Variants in SMARCD2 observed in about 807,000 individuals in gnomAD.
The protein encoded by SMARCD2 is SWI/SNF-related matrix-associated actin-dependent regulator of chromatin subfamily D member 2.
SMARCD2 carries 39 observed loss-of-function variants against 70.4 expected under a neutral mutation model. That is an observed-to-expected ratio of 0.55 (90% CI 0.43 to 0.72). The LOEUF (loss-of-function observed/expected upper bound fraction) is 0.72, where lower values mean the gene tolerates loss of function less well. Ranked by LOEUF, SMARCD2 falls within the 30% of genes least tolerant of loss-of-function variation. The pLI is 0.00. For synonymous variants in SMARCD2, 249 were observed against 279.4 expected (o/e 0.89, Z 1.08); for missense variants, 540 against 713.4 (o/e 0.76, Z 2.77).
Position 63,833,396 on chromosome 17 carries a change from T to A in SMARCD2, c.1342A>T (p.Asn448Tyr). ...VKIHETIESI[N>Y]QLKTQRDFML... The stretch of plus-strand genomic sequence containing the variant: ...AAATCTCTCTGGGTCTTCAGCTGGT[T>A]GATGGACTCAATGGTCTCATGGATC... The change falls in exon 11 of 13, where the codon AAC becomes TAC. Residue 448 changes from asparagine (N) to tyrosine (Y), a missense_variant. Physicochemically the swap from Asn to Tyr is moderately radical, Grantham distance 143 (BLOSUM62 -2). Coordinates refer to ENST00000448276, the MANE Select transcript of SMARCD2 (RefSeq NM_001098426.2). This position sits in a 1 kb window ranked among gnomAD's most constrained non-coding sequence, Gnocchi z 4.3. The A allele has an allele frequency of 6.2e-7, 1 of 1,614,024 alleles. No homozygotes were observed.
In SMARCD2 at chr17:63,833,331, C is replaced by T. The variant is rs1166990996; in HGVS notation, c.1407G>A (p.Gln469=). ...SFSTDPQDFI[Q]EWLRSQRRDL... ...CTCGGCGCTGGGAACGGAGCCATTCCTGGATGAAGTCCTGGGGGTCGGTGC... is the reference window on the plus strand; with the variant it reads ...CTCGGCGCTGGGAACGGAGCCATTCTTGGATGAAGTCCTGGGGGTCGGTGC... The change falls in exon 11 of 13, where the codon CAG becomes CAA. Residue 469 remains glutamine, a synonymous_variant. Transcript: ENST00000448276. The surrounding 1 kb of genome is among the most constrained non-coding windows in gnomAD (Gnocchi z 4.3). 4 of 1,613,980 alleles carry T rather than the reference C, an allele frequency of 2.5e-6. No homozygotes were observed. Among genetic ancestry groups the T allele is most frequent in the Non-Finnish European group, 3.4e-6 (4 of 1,179,878 alleles).
Position 63,833,068 on chromosome 17 carries a change from C to T in SMARCD2, c.1542+1G>A. On this transcript the variant is annotated splice_donor_variant, in intron 12 of 12. Coordinates refer to ENST00000448276, the MANE Select transcript of SMARCD2 (RefSeq NM_001098426.2). LOFTEE classifies it high-confidence loss of function. This position sits in a 1 kb window ranked among gnomAD's most constrained non-coding sequence, Gnocchi z 4.3. ...GGAGGGAAAACAGGGCAGAGCCTCACCTTGGCAAAGATGTGCCTGCCTACT... is the reference window on the plus strand; with the variant it reads ...GGAGGGAAAACAGGGCAGAGCCTCATCTTGGCAAAGATGTGCCTGCCTACT... 6.3e-7 allele frequency: 1 copy of T among 1,594,380 alleles called. No homozygotes were observed.
chr17:63,834,747 C>T lies in SMARCD2; in HGVS notation c.777G>A (p.Glu259=). 1 of 1,613,954 alleles carries T rather than the reference C, an allele frequency of 6.2e-7. No individual in the cohort carries two copies. The highest frequency in any genetic ancestry group is 8.5e-7 in the Non-Finnish European group (1 of 1,179,806). Reference sequence around the variant, plus strand: ...CAGGCCCGTACAGCTCCTTGTCCAGCTCAATGACGAGGCTCTTAAAGAATG... The same window carrying T: ...CAGGCCCGTACAGCTCCTTGTCCAGTTCAATGACGAGGCTCTTAAAGAATG... The part of the protein sequence containing the change: ...FSSFFKSLVI[E]LDKELYGPDN... Residue 259 remains glutamate, a synonymous_variant, in exon 6 of 13, where the codon GAG becomes GAA. Transcript: ENST00000448276. This position sits in a 1 kb window ranked among gnomAD's most constrained non-coding sequence, Gnocchi z 5.6.
chr17:63,832,278 G>T lies in SMARCD2; in HGVS notation c.*660C>A. On this transcript the variant is annotated 3_prime_UTR_variant, in exon 13 of 13. Transcript: ENST00000448276. ...TAGAGAACTGGAGTGTCCCCTCCCCGGCCCAAGCCGCTGGAGAGGCAGCCC... is the reference window on the plus strand; with the variant it reads ...TAGAGAACTGGAGTGTCCCCTCCCCTGCCCAAGCCGCTGGAGAGGCAGCCC... 2.6e-6 allele frequency: 1 copy of T among 390,196 alleles called. No individual in the cohort carries two copies. Among genetic ancestry groups the T allele is most frequent in the Non-Finnish European group, 4.7e-6 (1 of 212,922 alleles). The allele number at this position is 390,196 out of a possible 1,614,324, so 24.2% of individuals were successfully genotyped here.
At position 63,836,990 on chromosome 17, in the gene SMARCD2, G is replaced by A. The variant is rs2040274017; in HGVS notation, c.499C>T (p.Arg167Trp). 4 of 1,613,746 alleles carry A rather than the reference G, an allele frequency of 2.5e-6. No homozygotes were observed. The highest frequency in any genetic ancestry group is 2.5e-6 in the Non-Finnish European group (3 of 1,179,754). ...QAYMDLLAFE[R>W]KLDQTIARKR... ...CGAGCAATGGTCTGGTCCAGCTTCC[G>A]CTCAAAAGCCAAGAGATCCATGTAC... The change falls in exon 4 of 13, where the codon CGG becomes TGG. Residue 167 changes from arginine to tryptophan, a missense_variant. Physicochemically the swap from Arg to Trp is moderately radical, Grantham distance 101 (BLOSUM62 -3). Transcript: ENST00000448276.
chr17:63,837,524 GC>G lies in SMARCD2; in HGVS notation c.317del (p.Gly106AlafsTer6). The G allele has an allele frequency of 6.2e-7, 1 of 1,607,980 alleles. No homozygotes were observed. ...PFGAAAPLRP[G>X]MPPTMMDPFR... Reference sequence around the variant, plus strand: ...ATGGATCCATCATGGTGGGTGGCATGCCAGGTCGAAGCGGAGCTGCTGCACC... The same window carrying G: ...ATGGATCCATCATGGTGGGTGGCATGCAGGTCGAAGCGGAGCTGCTGCACC... On this transcript the variant is annotated frameshift_variant, in exon 2 of 13. Transcript: ENST00000448276. LOFTEE classifies it high-confidence loss of function. This position sits in a 1 kb window ranked among gnomAD's most constrained non-coding sequence, Gnocchi z 6.4.
At position 63,833,016 on chromosome 17, in the gene SMARCD2, C is replaced by G; in HGVS notation, c.1543-25G>C. On this transcript the variant is annotated intron_variant, in intron 12 of 12. Coordinates refer to ENST00000448276, the MANE Select transcript of SMARCD2 (RefSeq NM_001098426.2). This position sits in a 1 kb window ranked among gnomAD's most constrained non-coding sequence, Gnocchi z 4.3. Reference sequence around the variant, plus strand: ...CCTGGAGAAGGGAGAAACCAAGTGGCTCAGGCCTTTGCTACTCACGGCCAA... The same window carrying G: ...CCTGGAGAAGGGAGAAACCAAGTGGGTCAGGCCTTTGCTACTCACGGCCAA... 6.3e-7 allele frequency: 1 copy of G among 1,586,704 alleles called. No homozygotes were observed. Among genetic ancestry groups the G allele is most frequent in the South Asian group, 1.2e-5 (1 of 86,786 alleles).
rs1432004446 is a variant in SMARCD2 at position 63,833,375 on chromosome 17, C to T, written c.1363G>A (p.Asp455Asn). The T allele has an allele frequency of 1.9e-6, 3 of 1,613,916 alleles. No individual in the cohort carries two copies. Among genetic ancestry groups the T allele is most frequent in the South Asian group, 1.1e-5 (1 of 91,090 alleles). Residue 455 changes from aspartate (D) to asparagine (N), a missense_variant, in exon 11 of 13, where the codon GAT becomes AAT. Physicochemically the swap from Asp to Asn is conservative, Grantham distance 23 (BLOSUM62 1). Coordinates refer to ENST00000448276, the MANE Select transcript of SMARCD2 (RefSeq NM_001098426.2). The surrounding 1 kb of genome is among the most constrained non-coding windows in gnomAD (Gnocchi z 4.3). ...ESINQLKTQR[D>N]FMLSFSTDPQ... ...TCGGTGCTAAAACTGAGCATGAAAT[C>T]TCTCTGGGTCTTCAGCTGGTTGATG...
chr17:63,835,791 G>A (rs2040258054), intron 4 of SMARCD2: 3 of 384,212 alleles, frequency 7.8e-6, no homozygotes, highest in Middle Eastern at 7.1e-4. Context: ...GCAGTGGCGC[G>A]ATCTCAGCTC....
rs2040255386 is a variant in SMARCD2 at position 63,835,577 on chromosome 17, GAA to G, written c.568-12_568-11del. The G allele has an allele frequency of 1.2e-6, 2 of 1,613,436 alleles. No individual in the cohort carries two copies. Among genetic ancestry groups the G allele is most frequent in the Middle Eastern group, 1.7e-4 (1 of 6,056 alleles). ...GAAGCTTTCGCTTTTGCTAAAGAGA[GAA>G]AGGCAATCACAACTGGAGGTGGACC... is the stretch of plus-strand genomic sequence containing the variant. On this transcript the variant is annotated splice_polypyrimidine_tract_variant and intron_variant, in intron 4 of 12. Coordinates refer to ENST00000448276, the MANE Select transcript of SMARCD2 (RefSeq NM_001098426.2).
At chr17:63,839,290 G>C (rs1270128739) in intron 1 of SMARCD2, 4 of 965,738 alleles carry the variant, frequency 4.1e-6, no homozygotes, top group Middle Eastern at 5.3e-4. Flanking sequence ...GTGAGCGAGG[G>C]CCCTGTGGTC....
intron 1 of SMARCD2, chr17:63,838,912 A>G (rs1489214145): frequency 1.0e-6 from 1 of 985,244 alleles, no homozygotes; most frequent in Non-Finnish European, 1.2e-6. Context: ...TTCCCAACAC[A>G]GAGGGTCAGA....
chr17:63,839,130 C>T, intron 1 of SMARCD2: 1 of 985,320 alleles, frequency 1.0e-6, no homozygotes, highest in Middle Eastern at 5.2e-4. Flanking sequence ...TCTTTCTCTG[C>T]CTTAAAGATT....
Position 63,832,148 on chromosome 17 carries a change from C to T in SMARCD2, c.*790G>A. On this transcript the variant is annotated 3_prime_UTR_variant, in exon 13 of 13. Transcript: ENST00000448276. ...GATGTGGCACTCGCCAAGCCCTAGG[C>T]CCACCCTCCTCACCAAGCTCCAAAG... 1 of 657,226 alleles carries T rather than the reference C, an allele frequency of 1.5e-6. No homozygotes were observed. Among genetic ancestry groups the T allele is most frequent in the Non-Finnish European group, 2.6e-6 (1 of 380,754 alleles). The allele number at this position is 657,226 out of a possible 1,614,324, so 40.7% of individuals were successfully genotyped here.
At chr17:63,838,562 TG>T in intron 1 of SMARCD2, 1 of 1,382,500 alleles carries the variant, frequency 7.2e-7, no homozygotes, top group Non-Finnish European at 9.4e-7. Context: ...AGCAGGAAAG[TG>T]GGAGACAGAA....
At chr17:63,835,746 T>C (rs192408416) in intron 4 of SMARCD2, 179 bp from the exon 5 acceptor site, 10 of 495,182 alleles carry the variant, frequency 2.0e-5, no homozygotes, top group Admixed American at 7.8e-5. Context: ...TTTTTTTTTT[T>C]AGACATGGTC....
In SMARCD2 at chr17:63,837,630, G is replaced by A. The variant is rs1234373180; in HGVS notation, c.217-5C>T. On this transcript the variant is annotated splice_polypyrimidine_tract_variant and splice_region_variant and intron_variant, in intron 1 of 12. Transcript: ENST00000448276. This position sits in a 1 kb window ranked among gnomAD's most constrained non-coding sequence, Gnocchi z 6.4. ...CCCTGGTGACATGCCAGGTCGCTGGGGGAAGTGAGCCAACGGGGGTGCATA... is the reference window on the plus strand; with the variant it reads ...CCCTGGTGACATGCCAGGTCGCTGGAGGAAGTGAGCCAACGGGGGTGCATA... The A allele has an allele frequency of 6.2e-7, 1 of 1,611,968 alleles. No homozygotes were observed. Among genetic ancestry groups the A allele is most frequent in the South Asian group, 1.1e-5 (1 of 90,858 alleles).
Position 63,835,278 on chromosome 17 carries a change from G to T in SMARCD2, c.723+134C>A, listed in dbSNP as rs1010217333. 16 of 834,802 alleles carry T rather than the reference G, an allele frequency of 1.9e-5. No individual in the cohort carries two copies. In the East Asian group the frequency reaches 3.8e-4, roughly 20 times the overall value. The allele number at this position is 834,802 out of a possible 1,614,324, so 51.7% of individuals were successfully genotyped here. On this transcript the variant is annotated intron_variant, in intron 5 of 12. Coordinates refer to ENST00000448276, the MANE Select transcript of SMARCD2 (RefSeq NM_001098426.2). The stretch of plus-strand genomic sequence containing the variant: ...GCTGGGACTACAGGTGCATGCCACC[G>T]CACCCAGCTAATTTTTAAATTTTTT...
In SMARCD2 at chr17:63,832,659, C is replaced by T; in HGVS notation, c.*279G>A. 1.9e-6 allele frequency: 1 copy of T among 524,728 alleles called. No individual in the cohort carries two copies. Among genetic ancestry groups the T allele is most frequent in the Non-Finnish European group, 3.5e-6 (1 of 289,320 alleles). The allele number at this position is 524,728 out of a possible 1,614,324, so 32.5% of individuals were successfully genotyped here. On this transcript the variant is annotated 3_prime_UTR_variant, in exon 13 of 13. Coordinates refer to ENST00000448276, the MANE Select transcript of SMARCD2 (RefSeq NM_001098426.2). The stretch of plus-strand genomic sequence containing the variant: ...CAGCCTTTGGTTCGGAAATGTCTTA[C>T]AATGTCAAAGCACAGCCTCCAGCAG...
Sources: allele counts gnomAD v4.1 joint callset, GRCh38; gene constraint gnomAD v4.1.1; non-coding constraint Gnocchi (gnomAD v3.1); transcripts MANE v1.5; gene names NCBI Gene and HGNC (gene_info 2026-07-23, HGNC 2026-07-21).